DMD: variants seen among roughly 807,000 people sequenced by gnomAD.
DMD encodes dystrophin.
Under a neutral mutation model 330.1 loss-of-function variants are expected in DMD, and 63 were observed. The ratio of observed to expected loss-of-function variants is 0.19; its 90% CI spans 0.16 to 0.24. The LOEUF (loss-of-function observed/expected upper bound fraction) is 0.24, where lower values mean the gene tolerates loss of function less well. DMD is among the 10% of genes least tolerant of loss of function. The pLI is 1.00. For synonymous variants in DMD, 1,223 were observed against 959.8 expected (o/e 1.27, Z -5.07); for missense variants, 3,344 against 2,684.1 (o/e 1.25, Z -5.43).
rs1280460316 is a variant in DMD at position 32,945,546 on chromosome X, T to TA, written c.93+74592dup. ...TGACTAGAATATGCAAAATAGCATT[T>TA]AAAAAGAGCAGTTTTGGTAGTCATT... On this transcript the variant is annotated intron_variant, in intron 2 of 78. Transcript: ENST00000357033. 2.7e-5 allele frequency among the ~76,000 whole-genome samples: 3 copies of TA among 111,220 alleles called. No homozygotes were observed. The Admixed American group carries it at 2.9e-4, about 11-fold the overall frequency.
intron 41 of DMD, among the ~76,000 whole-genome samples, chrX:32,337,844 C>A (rs2097722977): frequency 9.0e-6 from 1 of 110,835 alleles, no homozygotes; most frequent in Non-Finnish European, 1.9e-5. Flanking sequence ...TGGCACTGAC[C>A]AAATTTTAGG....
intron 7 of DMD, among the ~76,000 whole-genome samples, chrX:32,754,609 A>C (rs769858901): frequency 1.8e-5 from 2 of 111,232 alleles, no homozygotes; most frequent in South Asian, 7.6e-4. Flanking sequence ...GACCATCACA[A>C]CCAGTCTCAA....
intron 44 of DMD, among the ~76,000 whole-genome samples, chrX:32,067,335 G>A (rs773689158): frequency 2.7e-5 from 3 of 110,692 alleles, no homozygotes; most frequent in African/African-American, 9.8e-5. Flanking sequence ...TAGTGACCAC[G>A]AATATTTATA....
chrX:32,775,932 T>G (rs1247551327), intron 7 of DMD, among the ~76,000 whole-genome samples: 1 of 112,375 alleles, frequency 8.9e-6, no homozygotes, highest in African/African-American at 3.2e-5. Context: ...AAAGAAAAGT[T>G]CCCATTTCAG....
intron 76 of DMD, among the ~76,000 whole-genome samples, chrX:31,140,967 G>A (rs1344225644): frequency 9.0e-6 from 1 of 111,344 alleles, no homozygotes; most frequent in Non-Finnish European, 1.9e-5. Flanking sequence ...GAGGCGGGTG[G>A]ATTGCTTGAG....
rs76548759 is a variant in DMD at position 31,662,469 on chromosome X, T to C, written c.7873-4325A>G. The stretch of plus-strand genomic sequence containing the variant: ...AAAATTCTCCCTTTAACTTGGAAGA[T>C]AAAAGCAAGTGCATAGCTCTATCAT... On this transcript the variant is annotated intron_variant, in intron 53 of 78. Transcript: ENST00000357033. Among the ~76,000 whole-genome samples, 228 of 112,087 alleles carry C rather than the reference T, an allele frequency of 2.0e-3. No individual in the cohort carries two copies. The East Asian group carries it at 0.06, about 29-fold the overall frequency.
chrX:31,826,174 T>G, intron 49 of DMD, among the ~76,000 whole-genome samples: 1 of 112,059 alleles, frequency 8.9e-6, no homozygotes, highest in Admixed American at 9.5e-5. Context: ...TTTACTCTAA[T>G]ATTATCTTTC....
At chrX:31,728,247 G>A (rs760583404) in intron 52 of DMD, among the ~76,000 whole-genome samples, 3 of 111,516 alleles carry the variant, frequency 2.7e-5, no homozygotes, top group East Asian at 2.8e-4. Flanking sequence ...GGATGGTCTC[G>A]ATCTCCTGAC....
chrX:31,858,468 T>C (rs1324904512), intron 48 of DMD, among the ~76,000 whole-genome samples: 1 of 110,847 alleles, frequency 9.0e-6, no homozygotes, highest in African/African-American at 3.3e-5. Flanking sequence ...TTTGGTAATT[T>C]TTCTCAACTC....
chrX:31,140,672 T>C (rs906656675), intron 76 of DMD, among the ~76,000 whole-genome samples: 18 of 112,612 alleles, frequency 1.6e-4, no homozygotes, highest in Non-Finnish European at 3.2e-4. Context: ...TGGTGAAAGA[T>C]ACTGAAACTA....
intron 33 of DMD, among the ~76,000 whole-genome samples, chrX:32,385,455 A>C (rs1193481894): frequency 1.4e-4 from 15 of 111,036 alleles, no homozygotes; most frequent in Non-Finnish European, 3.8e-5. Context: ...TGAAGAAAAC[A>C]GGAAAAAGCT....
At chrX:33,215,637 G>T (rs1300265941), upstream of DMD, among the ~76,000 whole-genome samples, 2 of 111,367 alleles carry the variant, frequency 1.8e-5, no homozygotes, top group Admixed American at 1.9e-4. Flanking sequence ...TTTTCTTCTA[G>T]GATTTTTTAC....
intron 21 of DMD, among the ~76,000 whole-genome samples, chrX:32,478,421 C>G (rs1316469297): frequency 2.7e-5 from 3 of 111,460 alleles, no homozygotes; most frequent in Non-Finnish European, 5.7e-5. Context: ...AGCAAAGGCT[C>G]CAAACTTTAT....
At chrX:33,006,843 C>G (rs1336243620) in intron 2 of DMD, among the ~76,000 whole-genome samples, 1 of 111,373 alleles carries the variant, frequency 9.0e-6, no homozygotes, top group Non-Finnish European at 1.9e-5. Flanking sequence ...TGCCACCAAA[C>G]TCTCTCTTGC....
intron 29 of DMD, among the ~76,000 whole-genome samples, chrX:32,423,957 A>G (rs2098201165): frequency 9.0e-6 from 1 of 111,533 alleles, no homozygotes; most frequent in African/African-American, 3.2e-5. Flanking sequence ...AAAATTTCTA[A>G]TTTACAAAGA....
chrX:31,588,736 C>T (rs1352345119), intron 55 of DMD, among the ~76,000 whole-genome samples: 2 of 110,883 alleles, frequency 1.8e-5, no homozygotes, highest in East Asian at 5.6e-4. Flanking sequence ...CCCTGTGCAA[C>T]TAAAATACCC....
intron 2 of DMD, among the ~76,000 whole-genome samples, chrX:32,934,657 T>A (rs1399214530): frequency 8.9e-6 from 1 of 111,817 alleles, no homozygotes; most frequent in Non-Finnish European, 1.9e-5. Context: ...AATGGATATG[T>A]AAATTACAAA....
rs190430112 is a variant in DMD, at chrX:33,057,983, A to T, written c.32-37783T>A. On this transcript the variant is annotated intron_variant, in intron 1 of 78. Transcript: ENST00000357033. ...AACCTCTGCCTCCTGGGTTCAAGCG[A>T]TTCTCCTGCCTTAGCCTCCTGAGTA... Among the ~76,000 whole-genome samples, 7 of 111,267 alleles carry T rather than the reference A, an allele frequency of 6.3e-5. No homozygotes were observed. In the Admixed American group the frequency reaches 6.7e-4, roughly 11 times the overall value.
At chrX:32,850,962 G>A (rs973667603) in intron 2 of DMD, among the ~76,000 whole-genome samples, 4 of 111,713 alleles carry the variant, frequency 3.6e-5, no homozygotes, top group African/African-American at 1.3e-4. Flanking sequence ...TTACATAGAA[G>A]CATTAGAAAG....
Sources: allele counts gnomAD v4.1 joint callset (sites outside exome capture counted in the v4.1 genomes callset), GRCh38; gene constraint gnomAD v4.1.1; transcripts MANE v1.5; gene names NCBI Gene and HGNC (gene_info 2026-07-23, HGNC 2026-07-21).